Variants in ARL17A observed in about 807,000 individuals in gnomAD.
ARL17A encodes ADP-ribosylation factor-like 17-like.
At chr17:46,532,718 GTATAATCCTTTTTATTCATAT>G (rs2053875508) in intron 4 of ARL17A, among the ~76,000 whole-genome samples, 2 of 145,454 alleles carry the variant, frequency 1.4e-5, no homozygotes, top group African/African-American at 2.7e-5. Flanking sequence ...TTGTTTATAT[GTATAATCCTTTTTATTCATAT>G]TATAATCCTT....
chr17:46,546,923 C>T (rs1009740936), intron 3 of ARL17A, among the ~76,000 whole-genome samples: 1 of 5,900 alleles, frequency 1.7e-4, no homozygotes, highest in Non-Finnish European at 3.6e-4. Flanking sequence ...CATTCTTAGA[C>T]CATCCAACTC....
At chr17:46,541,076 G>GTC (rs2055222567) in intron 3 of ARL17A, among the ~76,000 whole-genome samples, 1 of 124,384 alleles carries the variant, frequency 8.0e-6, no homozygotes, top group Non-Finnish European at 1.6e-5. Context: ...AAGCATTTCT[G>GTC]ATGCCTCAAA....
At chr17:46,500,823 A>G in the ARL17A span, among the ~76,000 whole-genome samples, 3 of 151,052 alleles carry the variant, frequency 2.0e-5, no homozygotes, top group African/African-American at 7.4e-5. Context: ...AACCTATCAG[A>G]TTATAGGGAA....
rs1467972984 is a variant in ARL17A at position 46,553,060 on chromosome 17, G to A, written c.*4296C>T. Among the ~76,000 whole-genome samples, 12 of 143,912 alleles carry A rather than the reference G, an allele frequency of 8.3e-5. No individual in the cohort carries two copies. The highest frequency in any genetic ancestry group is 1.3e-4 in the Non-Finnish European group (9 of 67,338). The allele number at this position is 143,912 out of a possible 152,430, so 94.4% of individuals were successfully genotyped here. A position where few individuals can be genotyped will look rare whatever the true frequency, so the allele number is the denominator to read the frequency against. Reference sequence around the variant, plus strand: ...ACAGAGGATGACACTGCACTCCAGCGTAAGCAACAGAGGGCAATCCTGTCG... The same window carrying A: ...ACAGAGGATGACACTGCACTCCAGCATAAGCAACAGAGGGCAATCCTGTCG... On this transcript the variant is annotated 3_prime_UTR_variant, in exon 4 of 4. Coordinates refer to ENST00000336125, the MANE Select transcript of ARL17A (RefSeq NM_001113738.2).
At chr17:46,525,634 T>A (rs1213233042), downstream of ARL17A, among the ~76,000 whole-genome samples, 1 of 122,952 alleles carries the variant, frequency 8.1e-6, no homozygotes, top group African/African-American at 2.8e-5. Flanking sequence ...ATCATCATCA[T>A]CATCATCATC....
chr17:46,532,157 C>A (rs1208768898), intron 4 of ARL17A, among the ~76,000 whole-genome samples: 1 of 149,456 alleles, frequency 6.7e-6, no homozygotes, highest in Non-Finnish European at 1.5e-5. Flanking sequence ...CTTCAGCCTC[C>A]CAAAATGCTG....
At chr17:46,539,459 T>TTTA (rs1194571037) in intron 3 of ARL17A, among the ~76,000 whole-genome samples, 1 of 150,468 alleles carries the variant, frequency 6.6e-6, no homozygotes, top group Admixed American at 6.6e-5. Context: ...TTTTAAAAAC[T>TTTA]TTATAAAGAT....
intron 3 of ARL17A, among the ~76,000 whole-genome samples, chr17:46,541,629 C>T (rs2055338190): frequency 6.6e-6 from 1 of 150,842 alleles, no homozygotes; most frequent in South Asian, 2.1e-4. Flanking sequence ...CCCTCCATAT[C>T]TGCAGGTTCC....
At chr17:46,544,797 CG>C (rs1233710544) in intron 3 of ARL17A, among the ~76,000 whole-genome samples, 1 of 112,250 alleles carries the variant, frequency 8.9e-6, no homozygotes, top group African/African-American at 4.0e-5. Flanking sequence ...CCCAAATTTA[CG>C]TATTGGAAAA....
At chr17:46,550,315 A>G, downstream of ARL17A, 1 of 328,534 alleles carries the variant, frequency 3.0e-6, no homozygotes, top group East Asian at 4.0e-5. Flanking sequence ...CCCTCTTTCA[A>G]AAAAATAAAA....
intron 4 of ARL17A, among the ~76,000 whole-genome samples, chr17:46,533,497 T>A (rs2145303952): frequency 7.1e-6 from 1 of 140,036 alleles, no homozygotes; most frequent in East Asian, 2.0e-4. Flanking sequence ...TATCTTTTTC[T>A]TTTTTTTTTT....
At chr17:46,539,768 CAAAAAAAAAA>C (rs1204528686) in intron 3 of ARL17A, among the ~76,000 whole-genome samples, 1 of 67,036 alleles carries the variant, frequency 1.5e-5, no homozygotes, top group Non-Finnish European at 2.7e-5. Context: ...GACTCCATCT[CAAAAAAAAAA>C]AAAAAAAAAA....
the ARL17A span, among the ~76,000 whole-genome samples, chr17:46,502,392 T>C: frequency 6.6e-6 from 1 of 151,240 alleles, no homozygotes; most frequent in East Asian, 1.9e-4. Context: ...CTCACTGCAA[T>C]CTCTGCCTCC....
chr17:46,552,745 TAAC>T (rs1392409990), downstream of ARL17A: 1 of 89,858 alleles, frequency 1.1e-5, no homozygotes, highest in Non-Finnish European at 2.6e-5. Context: ...AAGTACAATA[TAAC>T]AACTGTCAAC....
chr17:46,541,752 G>A (rs11651642), intron 3 of ARL17A, among the ~76,000 whole-genome samples: 74,210 of 149,002 alleles, frequency 0.5, 19,029 homozygotes, highest in South Asian at 0.68. Context: ...GTATAATTAT[G>A]TACATACCAT....
chr17:46,549,154 G>A (rs368697639), downstream of ARL17A: 86 of 1,611,288 alleles, frequency 5.3e-5, no homozygotes, highest in South Asian at 4.4e-5. Context: ...ACTGATGCTC[G>A]CAAACAGGCT....
At chr17:46,516,272 C>T (rs1598289586), downstream of ARL17A, among the ~76,000 whole-genome samples, 1 of 126,422 alleles carries the variant, frequency 7.9e-6, no homozygotes, top group East Asian at 2.1e-4. Flanking sequence ...CACTGCACTC[C>T]AGCCTGGGCG....
At chr17:46,575,192 T>C (rs2057758755) in intron 2 of ARL17A, among the ~76,000 whole-genome samples, 1 of 109,098 alleles carries the variant, frequency 9.2e-6, no homozygotes. Flanking sequence ...ACCTGTGGGG[T>C]GTATCCTCAG....
chr17:46,558,306 C>T (rs1359109481), intron 3 of ARL17A, among the ~76,000 whole-genome samples: 2 of 109,770 alleles, frequency 1.8e-5, no homozygotes, highest in Non-Finnish European at 3.6e-5. Flanking sequence ...GTAATCCACC[C>T]GCCCTGGCCT....
Sources: allele counts gnomAD v4.1 joint callset (sites outside exome capture counted in the v4.1 genomes callset), GRCh38; gene constraint gnomAD v4.1.1; transcripts MANE v1.5; gene names NCBI Gene and HGNC (gene_info 2026-07-23, HGNC 2026-07-21).